The following ZRSR2 variants were observed in gnomAD, a reference collection of about 807,000 sequenced individuals.
The protein encoded by ZRSR2 is zinc finger CCCH-type, RNA binding motif and serine/arginine rich 2.
ZRSR2 carries 3 observed loss-of-function variants against 39.4 expected under a neutral mutation model. That is an observed-to-expected ratio of 0.08 (90% CI 0.03 to 0.20). ZRSR2 has a LOEUF of 0.20. ZRSR2 is among the 10% of genes least tolerant of loss of function. The pLI is 1.00. For missense variants in ZRSR2, 256 were observed against 391.5 expected (o/e 0.65, Z 2.92); for synonymous variants, 137 against 136.0 (o/e 1.01, Z -0.05).
intron 1 of ZRSR2, 148 bp from the exon 2 acceptor site, chrX:15,790,786 A>G: frequency 1.7e-6 from 1 of 605,863 alleles, no homozygotes; most frequent in Non-Finnish European, 2.6e-6. Context: ...GCGATGATAG[A>G]TGGCTGTTCT....
chrX:15,794,660 C>T (rs1932390364), intron 2 of ZRSR2, among the ~76,000 whole-genome samples: 1 of 111,246 alleles, frequency 9.0e-6, no homozygotes, highest in South Asian at 3.8e-4. Context: ...TCTTGGGTGG[C>T]AGAGGTGGAA....
intron 2 of ZRSR2, among the ~76,000 whole-genome samples, chrX:15,798,580 G>C (rs1036805640): frequency 2.7e-5 from 3 of 111,412 alleles, no homozygotes; most frequent in African/African-American, 9.8e-5. Context: ...CTAAGAATAA[G>C]GACATTCTCC....
chrX:15,808,566 A>G (rs1932832963), intron 6 of ZRSR2, among the ~76,000 whole-genome samples: 1 of 107,349 alleles, frequency 9.3e-6, no homozygotes, highest in Admixed American at 9.9e-5. Context: ...AGTAACTTCT[A>G]TTTCTGTCTG....
rs749758371 is a variant in ZRSR2, at chrX:15,799,839, C to T, written c.122-33C>T. 3.1e-5 allele frequency: 31 copies of T among 993,351 alleles called. No homozygotes were observed. The East Asian group carries it at 6.6e-4, about 21-fold the overall frequency. The allele number at this position is 993,351 out of a possible 1,213,427, so 81.9% of individuals were successfully genotyped here. A position where few individuals can be genotyped will look rare whatever the true frequency, so the allele number is the denominator to read the frequency against. On this transcript the variant is annotated intron_variant, in intron 2 of 10. Coordinates refer to ENST00000307771, the MANE Select transcript of ZRSR2 (RefSeq NM_005089.4). Reference sequence around the variant, plus strand: ...TGAATTTTTGACCAAGGATTTGCAGCACTCAGTTTAATAAAACATTTAAAT... The same window carrying T: ...TGAATTTTTGACCAAGGATTTGCAGTACTCAGTTTAATAAAACATTTAAAT...
chrX:15,818,260 A>G (rs142290441), intron 8 of ZRSR2, among the ~76,000 whole-genome samples: 364 of 112,815 alleles, frequency 3.2e-3, no homozygotes, highest in Middle Eastern at 9.2e-3. Flanking sequence ...TGTTTTACAT[A>G]TGTAAATATT....
intron 6 of ZRSR2, 45 bp from the exon 7 acceptor site, chrX:15,809,155 C>T (rs777151721): frequency 1.1e-6 from 1 of 909,488 alleles, no homozygotes; most frequent in Non-Finnish European, 1.6e-6. Flanking sequence ...TTTCGTCTTT[C>T]ATGGGTTTTT....
intron 2 of ZRSR2, among the ~76,000 whole-genome samples, chrX:15,797,528 A>G (rs996537902): frequency 8.9e-6 from 1 of 112,203 alleles, no homozygotes; most frequent in Non-Finnish European, 1.9e-5. Context: ...ACGTTTTATA[A>G]TAGATTTATA....
At chrX:15,790,566 G>A in intron 1 of ZRSR2, 30 bp downstream of exon 1, 2 of 1,158,876 alleles carry the variant, frequency 1.7e-6, no homozygotes, top group Non-Finnish European at 2.3e-6. Context: ...ATGAGCAGGC[G>A]AGCGGGCCGA....
chrX:15,793,577 C>T (rs1024843502), intron 2 of ZRSR2, among the ~76,000 whole-genome samples: 2 of 111,640 alleles, frequency 1.8e-5, no homozygotes, highest in Non-Finnish European at 3.8e-5. Flanking sequence ...CTCACTCTCT[C>T]GCCCAGGCTG....
intron 9 of ZRSR2, among the ~76,000 whole-genome samples, chrX:15,819,803 T>C (rs1445304370): frequency 9.0e-6 from 1 of 111,514 alleles, no homozygotes; most frequent in Non-Finnish European, 1.9e-5. Context: ...AAGAGAGCAA[T>C]TAATGTATCA....
At chrX:15,792,882 C>G (rs1932328381) in intron 2 of ZRSR2, among the ~76,000 whole-genome samples, 1 of 112,419 alleles carries the variant, frequency 8.9e-6, no homozygotes, top group Non-Finnish European at 1.9e-5. Context: ...ACCATGGCCT[C>G]AAGTAACTAG....
rs1181530002 is a variant in ZRSR2 at position 15,823,057 on chromosome X, A to G, written c.1264A>G (p.Ser422Gly). 5.8e-6 allele frequency: 7 copies of G among 1,210,305 alleles called. No individual in the cohort carries two copies. In the Admixed American group the frequency reaches 6.5e-5, roughly 11 times the overall value. ...SKSRERHNSR[S>G]RGRNRDRSRD... ...GAGTCGGGAGAGGCACAATTCACGAAGCAGAGGAAGAAATAGGGACCGCAG... is the reference window on the plus strand; with the variant it reads ...GAGTCGGGAGAGGCACAATTCACGAGGCAGAGGAAGAAATAGGGACCGCAG... The change falls in exon 11 of 11, where the codon AGC becomes GGC. Residue 422 changes from serine (S) to glycine (G), a missense_variant. Physicochemically the swap from Ser to Gly is moderately conservative, Grantham distance 56 (BLOSUM62 0). Transcript: ENST00000307771.
At chrX:15,804,526 C>G (rs1932761286) in intron 5 of ZRSR2, among the ~76,000 whole-genome samples, 1 of 111,512 alleles carries the variant, frequency 9.0e-6, no homozygotes. Flanking sequence ...CCAGTGTACC[C>G]TGAAAGCAGC....
chrX:15,804,471 T>C (rs762707465), intron 5 of ZRSR2, among the ~76,000 whole-genome samples: 2 of 111,479 alleles, frequency 1.8e-5, no homozygotes, highest in Admixed American at 9.6e-5. Flanking sequence ...ATGGTAAATA[T>C]TTTAGGCTTT....
intron 2 of ZRSR2, among the ~76,000 whole-genome samples, chrX:15,794,876 G>C (rs1201166997): frequency 2.7e-5 from 3 of 112,200 alleles, no homozygotes; most frequent in African/African-American, 9.7e-5. Context: ...GTCAAAAGCA[G>C]TCTTGAATAA....
chrX:15,809,388 T>C lies in ZRSR2; in HGVS notation c.557+70T>C. ...TGCTGACGTTTTTGAGTTCCCCTTT[T>C]GGGAGAGGCGCATGTTTCCATTTCA... is the stretch of plus-strand genomic sequence containing the variant. On this transcript the variant is annotated intron_variant, in intron 7 of 10. Transcript: ENST00000307771. 3 of 764,783 alleles carry C rather than the reference T, an allele frequency of 3.9e-6. No individual in the cohort carries two copies. In the East Asian group the frequency reaches 9.5e-5, roughly 24 times the overall value. 63.0% of individuals were successfully genotyped at this position (764,783 alleles called of 1,213,427 possible).
intron 3 of ZRSR2, among the ~76,000 whole-genome samples, chrX:15,803,451 A>G (rs1369856167): frequency 9.0e-6 from 1 of 111,251 alleles, no homozygotes; most frequent in Admixed American, 9.6e-5. Flanking sequence ...ATATATACCT[A>G]TGAAATGTAA....
At chrX:15,805,803 C>T (rs983270597) in intron 5 of ZRSR2, among the ~76,000 whole-genome samples, 3 of 109,085 alleles carry the variant, frequency 2.8e-5, no homozygotes, top group African/African-American at 1.0e-4. Flanking sequence ...TGGTGATGGG[C>T]GCCTGTAGTC....
chrX:15,808,308 A>G lies in ZRSR2; in HGVS notation c.438+37A>G, dbSNP rs772387155. Reference sequence around the variant, plus strand: ...ACCTTACATTGATAATTTGAGACCAATTAATGTTTCCTTAGAAATAATAGT... The same window carrying G: ...ACCTTACATTGATAATTTGAGACCAGTTAATGTTTCCTTAGAAATAATAGT... On this transcript the variant is annotated intron_variant, in intron 6 of 10. Coordinates refer to ENST00000307771, the MANE Select transcript of ZRSR2 (RefSeq NM_005089.4). 11 of 1,130,711 alleles carry G rather than the reference A, an allele frequency of 9.7e-6. No homozygotes were observed. In the East Asian group the frequency reaches 1.2e-4, roughly 12 times the overall value. 93.2% of individuals were successfully genotyped at this position (1,130,711 alleles called of 1,213,427 possible).
Sources: allele counts gnomAD v4.1 joint callset (sites outside exome capture counted in the v4.1 genomes callset), GRCh38; gene constraint gnomAD v4.1.1; transcripts MANE v1.5; gene names NCBI Gene and HGNC (gene_info 2026-07-23, HGNC 2026-07-21).